Variants in CLEC16A observed in about 807,000 individuals in gnomAD.
CLEC16A encodes the protein C-type lectin domain containing 16A.
A neutral mutation model predicts 109.5 loss-of-function variants in CLEC16A; 51 were observed. The ratio of observed to expected loss-of-function variants is 0.47; its 90% confidence interval spans 0.37 to 0.59. CLEC16A has a LOEUF of 0.59. CLEC16A is among the 20% of genes least tolerant of loss of function. CLEC16A has a pLI of 0.00. For missense variants in CLEC16A, 1,339 were observed against 1,394.0 expected, an observed-to-expected ratio of 0.96 and a Z score of 0.63; for synonymous variants, 673 against 564.2, an observed-to-expected ratio of 1.19 and a Z score of -2.73.
At chr16:11,067,157 T>G (rs7187571) in intron 19 of CLEC16A, among the ~76,000 whole-genome samples, 2 of 105,552 alleles carry the variant, frequency 1.9e-5, no homozygotes, top group African/African-American at 4.0e-5. Flanking sequence ...GTTGTGGGGG[T>G]TTTTTTTTTG....
intron 10 of CLEC16A, among the ~76,000 whole-genome samples, chr16:10,999,464 C>G (rs9934231): frequency 0.56 from 84,577 of 151,992 alleles, 25,253 homozygotes; most frequent in African/African-American, 0.78. Flanking sequence ...TGCCTACTCC[C>G]TTCCTGCATT....
intron 10 of CLEC16A, among the ~76,000 whole-genome samples, chr16:11,002,662 C>A (rs1249248045): frequency 6.6e-6 from 1 of 152,116 alleles, no homozygotes; most frequent in African/African-American, 2.4e-5. Flanking sequence ...GTCCACCACC[C>A]CTCCCAGTCT....
chr16:11,134,706 C>G (rs76675570), intron 22 of CLEC16A, among the ~76,000 whole-genome samples: 6,552 of 152,236 alleles, frequency 0.043, 468 homozygotes, highest in African/African-American at 0.15. Flanking sequence ...AGTGTCATGT[C>G]GACACTCAAA....
At chr16:11,129,693 C>T (rs2053062477) in intron 22 of CLEC16A, among the ~76,000 whole-genome samples, 2 of 151,880 alleles carry the variant, frequency 1.3e-5, no homozygotes, top group Admixed American at 1.3e-4. Flanking sequence ...TGTGCCGCCT[C>T]TTCAGTGGCC....
In CLEC16A at chr16:10,945,185, C is replaced by T. The variant is rs1005176504; in HGVS notation, c.80+388C>T. Among the ~76,000 whole-genome samples, 13 of 152,030 alleles carry T rather than the reference C, an allele frequency of 8.6e-5. 1 individual carries two copies. The highest frequency in any genetic ancestry group is 3.1e-4 in the African/African-American group (13 of 41,388). ...TCCTGGAGTCGGGCAGATCTGGGTC[C>T]GAATCTATCTGTGTGAATGTAGGCC... On this transcript the variant is annotated intron_variant, in intron 1 of 23. Coordinates refer to ENST00000409790, the MANE Select transcript of CLEC16A (RefSeq NM_015226.3).
chr16:11,124,703 G>A (rs1018056989), intron 21 of CLEC16A, among the ~76,000 whole-genome samples: 2 of 152,214 alleles, frequency 1.3e-5, no homozygotes, highest in African/African-American at 4.8e-5. Flanking sequence ...GTGCCATTCA[G>A]TTCAGGCACC....
rs34576806 is a variant in CLEC16A, at chr16:11,077,964, C to CGTGTGTGT, written c.2116+16981_2116+16988dup. ...GAAACTCCATCTCTACAAAAAAAAA[C>CGTGTGTGT]GTGTGTGTGTGTGTGTGTGTGTGTG... is the stretch of plus-strand genomic sequence containing the variant. On this transcript the variant is annotated intron_variant, in intron 19 of 23. Transcript: ENST00000409790. 6.9e-3 allele frequency among the ~76,000 whole-genome samples: 935 copies of CGTGTGTGT among 135,602 alleles called. 9 individuals carry two copies. The highest frequency in any genetic ancestry group is 0.021 in the African/African-American group (764 of 36,450). 89.0% of individuals were successfully genotyped at this position (135,602 alleles called of 152,430 possible). A position where few individuals can be genotyped will look rare whatever the true frequency, so the allele number is the denominator to read the frequency against.
At chr16:10,956,367 T>G (rs915881634) in intron 1 of CLEC16A, among the ~76,000 whole-genome samples, 3 of 152,226 alleles carry the variant, frequency 2.0e-5, no homozygotes, top group African/African-American at 7.2e-5. Flanking sequence ...GTCTTACCCG[T>G]TTTTAGAGAT....
chr16:11,005,453 A>G (rs1485404745), intron 11 of CLEC16A, among the ~76,000 whole-genome samples: 1 of 152,200 alleles, frequency 6.6e-6, no homozygotes, highest in African/African-American at 2.4e-5. Context: ...TTGGTGCTTC[A>G]GGGCTCAGTC....
At chr16:11,098,926 G>C (rs1321864887) in intron 19 of CLEC16A, among the ~76,000 whole-genome samples, 2 of 152,246 alleles carry the variant, frequency 1.3e-5, no homozygotes, top group Non-Finnish European at 2.9e-5. Flanking sequence ...GAGGGAGGCA[G>C]GTGACCCATG....
chr16:11,172,576 A>G (rs1239229471), intron 23 of CLEC16A, among the ~76,000 whole-genome samples: 2 of 152,206 alleles, frequency 1.3e-5, no homozygotes, highest in African/African-American at 2.4e-5. Context: ...TAGTAGGTGT[A>G]ATTAAACATT....
In CLEC16A at chr16:11,174,488, T is replaced by C. The variant is rs1321595088; in HGVS notation, c.2807-3847T>C. The stretch of plus-strand genomic sequence containing the variant: ...CATGTGAAGACCAGATCCCCGGCCC[T>C]TGACCTTCGCGACAGTCCTTCACCT... On this transcript the variant is annotated intron_variant, in intron 23 of 23. Coordinates refer to ENST00000409790, the MANE Select transcript of CLEC16A (RefSeq NM_015226.3). This position sits in a 1 kb window ranked among gnomAD's most constrained non-coding sequence, Gnocchi z 4.7. Among the ~76,000 whole-genome samples the C allele has an allele frequency of 6.6e-6, 1 of 152,244 alleles. No individual in the cohort carries two copies. The highest frequency in any genetic ancestry group is 1.5e-5 in the Non-Finnish European group (1 of 68,044).
At chr16:11,116,836 G>A (rs1214705457) in intron 19 of CLEC16A, among the ~76,000 whole-genome samples, 5 of 152,206 alleles carry the variant, frequency 3.3e-5, no homozygotes, top group East Asian at 1.9e-4. Context: ...CTATTGGGGT[G>A]ATGGAAGTAT....
intron 9 of CLEC16A, 43 bp downstream of exon 9, chr16:10,979,425 C>T (rs767251505): frequency 6.4e-7 from 1 of 1,572,750 alleles, no homozygotes; most frequent in Non-Finnish European, 8.7e-7. Flanking sequence ...CATTTGGGGT[C>T]CCTTGGCGTG....
At chr16:11,175,336 C>A (rs1377430194) in intron 23 of CLEC16A, among the ~76,000 whole-genome samples, 3 of 152,230 alleles carry the variant, frequency 2.0e-5, no homozygotes, top group Non-Finnish European at 4.4e-5. Context: ...CCCCTCGGCT[C>A]TGTCTCCCCA....
At chr16:10,957,052 C>G (rs964725000) in intron 1 of CLEC16A, among the ~76,000 whole-genome samples, 1 of 152,210 alleles carries the variant, frequency 6.6e-6, no homozygotes, top group Non-Finnish European at 1.5e-5. Flanking sequence ...CCACCTTGGC[C>G]TCCCAAAGTG....
intron 22 of CLEC16A, among the ~76,000 whole-genome samples, chr16:11,163,030 C>A (rs527318528): frequency 2.0e-5 from 3 of 152,214 alleles, no homozygotes; most frequent in African/African-American, 7.2e-5. Flanking sequence ...TCACTCCTGT[C>A]GCACGATCTC....
rs2068868848 is a variant in CLEC16A at position 11,178,830 on chromosome 16, C to T, written c.*140C>T. On this transcript the variant is annotated 3_prime_UTR_variant, in exon 24 of 24. Transcript: ENST00000409790. This position sits in a 1 kb window ranked among gnomAD's most constrained non-coding sequence, Gnocchi z 6.5. ...TCTCAACCACCTATCCCTGCGCTCC[C>T]TTGAATGGGAAGAAGCCCCACGTTG... 1 of 617,278 alleles carries T rather than the reference C, an allele frequency of 1.6e-6. No individual in the cohort carries two copies. The highest frequency in any genetic ancestry group is 2.7e-6 in the Non-Finnish European group (1 of 367,004). The allele number at this position is 617,278 out of a possible 1,614,324, so 38.2% of individuals were successfully genotyped here.
At chr16:11,127,272 A>G (rs1012008587) in intron 22 of CLEC16A, among the ~76,000 whole-genome samples, 1 of 152,214 alleles carries the variant, frequency 6.6e-6, no homozygotes, top group Non-Finnish European at 1.5e-5. Context: ...CGTATAAATC[A>G]ACCTAATTCT....
Sources: gnomAD v4.1 joint callset for allele counts (sites outside exome capture counted in the v4.1 genomes callset) on GRCh38, gnomAD v4.1.1 for gene constraint, Gnocchi (gnomAD v3.1) non-coding constraint, MANE v1.5 for transcripts, NCBI Gene and HGNC (gene_info 2026-07-23, HGNC 2026-07-21) for gene names.